The following CCSER1 variants were observed in gnomAD, a reference collection of about 807,000 sequenced individuals.
CCSER1 encodes coiled-coil serine rich protein 1, also known as serine-rich coiled-coil domain-containing protein 1.
CCSER1 carries 41 observed loss-of-function variants against 82.0 expected under a neutral mutation model. The ratio of observed to expected loss-of-function variants is 0.50; its 90% CI spans 0.39 to 0.65. The LOEUF (loss-of-function observed/expected upper bound fraction) is 0.65, where lower values mean the gene tolerates loss of function less well. Ranked by LOEUF, CCSER1 falls within the 30% of genes least tolerant of loss-of-function variation. The probability of loss-of-function intolerance (pLI) is 0.00; values close to 1 mark genes in which losing one functional copy is unlikely to be tolerated. For synonymous variants in CCSER1, 414 were observed against 383.9 expected (o/e 1.08, Z -0.92); for missense variants, 1,119 against 1,064.2 (o/e 1.05, Z -0.72).
At chr4:90,287,211 A>C (rs1003540062) in intron 1 of CCSER1, among the ~76,000 whole-genome samples, 14 of 151,520 alleles carry the variant, frequency 9.2e-5, no homozygotes, top group Admixed American at 5.3e-4. Context: ...TTAAAAAAAA[A>C]CCCTACAAAA....
chr4:90,431,417 T>C (rs28627824), intron 4 of CCSER1, among the ~76,000 whole-genome samples: 2,690 of 152,182 alleles, frequency 0.018, 34 homozygotes, highest in African/African-American at 0.038. Context: ...GCCTGCCTTT[T>C]ATAAGAATAG....
chr4:90,416,912 C>T (rs1483413616), intron 4 of CCSER1, among the ~76,000 whole-genome samples: 1 of 151,504 alleles, frequency 6.6e-6, no homozygotes, highest in Admixed American at 6.6e-5. Context: ...ATGGATGAAG[C>T]TGAAAACCAT....
At chr4:90,489,832 C>G (rs932361709) in intron 5 of CCSER1, among the ~76,000 whole-genome samples, 1 of 152,114 alleles carries the variant, frequency 6.6e-6, no homozygotes, top group Non-Finnish European at 1.5e-5. Flanking sequence ...TCATTCATGT[C>G]CCTACAAAGG....
chr4:90,714,226 G>C (rs58139567), intron 6 of CCSER1, among the ~76,000 whole-genome samples: 1 of 151,728 alleles, frequency 6.6e-6, no homozygotes, highest in Non-Finnish European at 1.5e-5. Context: ...TTGGAATTTT[G>C]TTCCTTTTTC....
chr4:91,076,262 A>G (rs1383761044), intron 9 of CCSER1, among the ~76,000 whole-genome samples: 1 of 151,736 alleles, frequency 6.6e-6, no homozygotes, highest in Non-Finnish European at 1.5e-5. Context: ...CAAGCTTTTT[A>G]CATTGTTTAT....
chr4:90,744,047 T>C (rs1240061378), intron 7 of CCSER1, among the ~76,000 whole-genome samples: 6 of 152,212 alleles, frequency 3.9e-5, no homozygotes, highest in African/African-American at 1.4e-4. Flanking sequence ...GGTTCTCTTA[T>C]GCATAAGATT....
intron 10 of CCSER1, among the ~76,000 whole-genome samples, chr4:91,242,756 T>C (rs1328667999): frequency 6.6e-6 from 1 of 152,118 alleles, no homozygotes; most frequent in Non-Finnish European, 1.5e-5. Context: ...TGAAAAGCAC[T>C]TATATCCAAA....
intron 10 of CCSER1, among the ~76,000 whole-genome samples, chr4:91,267,615 A>G (rs1741703157): frequency 6.6e-6 from 1 of 152,354 alleles, no homozygotes; most frequent in Non-Finnish European, 1.5e-5. Context: ...TACACAGTGC[A>G]TGCTGCTTCT....
chr4:91,579,952 G>A (rs73836235), intron 10 of CCSER1, among the ~76,000 whole-genome samples: 10,474 of 151,838 alleles, frequency 0.069, 399 homozygotes, highest in Middle Eastern at 0.099. Flanking sequence ...CTAAAGTAGC[G>A]TGATGCATTC....
chr4:90,587,418 A>G (rs1024861424), intron 5 of CCSER1, among the ~76,000 whole-genome samples: 1 of 152,162 alleles, frequency 6.6e-6, no homozygotes, highest in Non-Finnish European at 1.5e-5. Context: ...GAGTCCAATC[A>G]GGTCAACCTG....
intron 5 of CCSER1, among the ~76,000 whole-genome samples, chr4:90,503,871 A>G (rs1770301865): frequency 6.6e-6 from 1 of 152,102 alleles, no homozygotes; most frequent in Non-Finnish European, 1.5e-5. Flanking sequence ...CATGACTTAC[A>G]TAGATCATCT....
chr4:90,540,322 ACAC>A (rs2153635478), intron 5 of CCSER1, among the ~76,000 whole-genome samples: 1 of 152,172 alleles, frequency 6.6e-6, no homozygotes, highest in African/African-American at 2.4e-5. Context: ...TTTATTAAAA[ACAC>A]CATAGATAAA....
At chr4:90,360,105 G>A (rs1010419749) in intron 3 of CCSER1, among the ~76,000 whole-genome samples, 1 of 148,662 alleles carries the variant, frequency 6.7e-6, no homozygotes, top group African/African-American at 2.4e-5. Context: ...TTTTAGTAGA[G>A]ACAGGTTTTC....
At chr4:91,129,184 T>TA (rs1727782780) in intron 10 of CCSER1, among the ~76,000 whole-genome samples, 1 of 152,052 alleles carries the variant, frequency 6.6e-6, no homozygotes, top group Non-Finnish European at 1.5e-5. Flanking sequence ...TTTTACCCAG[T>TA]AAAAAACTTC....
chr4:90,977,093 C>T (rs1331771594), intron 9 of CCSER1, among the ~76,000 whole-genome samples: 1 of 151,370 alleles, frequency 6.6e-6, no homozygotes, highest in Admixed American at 6.6e-5. Context: ...TGTTCTCTGC[C>T]TCTCCTTCTT....
chr4:90,158,118 T>C (rs1252365289), intron 1 of CCSER1, among the ~76,000 whole-genome samples: 1 of 152,206 alleles, frequency 6.6e-6, no homozygotes, highest in Non-Finnish European at 1.5e-5. Flanking sequence ...TGCAGATCTG[T>C]TGGAGTTTGC....
intron 8 of CCSER1, among the ~76,000 whole-genome samples, chr4:90,904,812 A>G (rs1561336128): frequency 6.6e-6 from 1 of 152,022 alleles, no homozygotes; most frequent in African/African-American, 2.4e-5. Context: ...GTGTATCACT[A>G]CATACCTGCT....
chr4:91,459,005 C>A (rs187819847), intron 10 of CCSER1, among the ~76,000 whole-genome samples: 70 of 152,004 alleles, frequency 4.6e-4, no homozygotes, highest in Non-Finnish European at 2.6e-4. Context: ...GATAATGGAA[C>A]TTATGGGTTT....
At chr4:91,579,358 G>A (rs1763618236) in intron 10 of CCSER1, among the ~76,000 whole-genome samples, 1 of 151,290 alleles carries the variant, frequency 6.6e-6, no homozygotes, top group Non-Finnish European at 1.5e-5. Context: ...TACCCAATTG[G>A]TCATTTTTCA....
Sources: allele counts gnomAD v4.1 joint callset (sites outside exome capture counted in the v4.1 genomes callset), GRCh38; gene constraint gnomAD v4.1.1; transcripts MANE v1.5; gene names NCBI Gene and HGNC (gene_info 2026-07-23, HGNC 2026-07-21).